DRD2: variants seen among roughly 807,000 people sequenced by gnomAD.
The protein encoded by DRD2 is dopamine receptor D2.
DRD2 carries 8 observed loss-of-function variants against 38.0 expected under a neutral mutation model. The ratio of observed to expected loss-of-function variants is 0.21; its 90% CI spans 0.12 to 0.38. The LOEUF (loss-of-function observed/expected upper bound fraction) is 0.38. DRD2 is among the 10% of genes least tolerant of loss of function. The pLI is 1.00. For synonymous variants in DRD2, 230 were observed against 238.6 expected (o/e 0.96, Z 0.33); for missense variants, 403 against 607.7 (o/e 0.66, Z 3.54).
At chr11:113,453,946 G>C (rs934589385) in intron 1 of DRD2, among the ~76,000 whole-genome samples, 11 of 152,202 alleles carry the variant, frequency 7.2e-5, no homozygotes, top group African/African-American at 2.7e-4. Context: ...GGGCTGGGGG[G>C]AGGATGGAAC....
intron 1 of DRD2, among the ~76,000 whole-genome samples, chr11:113,436,395 G>T (rs920700384): frequency 6.6e-6 from 1 of 152,192 alleles, no homozygotes. Flanking sequence ...CAATTGCAAT[G>T]TGTGGGCCTT....
intron 1 of DRD2, among the ~76,000 whole-genome samples, chr11:113,466,114 T>C (rs754210934): frequency 1.2e-4 from 18 of 152,186 alleles, no homozygotes; most frequent in Non-Finnish European, 2.2e-4. Flanking sequence ...AAAGATCTGA[T>C]CCTGCATTAG....
intron 1 of DRD2, among the ~76,000 whole-genome samples, chr11:113,472,432 T>C (rs1363832456): frequency 1.3e-5 from 2 of 152,160 alleles, no homozygotes. Flanking sequence ...TCCCATAGTA[T>C]CAAAGAAAGA....
intron 1 of DRD2, among the ~76,000 whole-genome samples, chr11:113,469,779 G>T (rs957824276): frequency 6.6e-6 from 1 of 152,282 alleles, no homozygotes; most frequent in East Asian, 1.9e-4. Flanking sequence ...GTTCAAGGCT[G>T]CTGTGAGCTA....
At chr11:113,450,151 A>G (rs2119901283) in intron 1 of DRD2, 1 of 154,162 alleles carries the variant, frequency 6.5e-6, no homozygotes, top group African/African-American at 2.4e-5. Flanking sequence ...CAATATTTCA[A>G]AAGAAGACAG....
chr11:113,467,502 C>G (rs1951381464), intron 1 of DRD2, among the ~76,000 whole-genome samples: 1 of 152,178 alleles, frequency 6.6e-6, no homozygotes, highest in African/African-American at 2.4e-5. Context: ...ATATTTCTGC[C>G]AGCTTTGGGG....
chr11:113,456,179 A>T (rs1951266718), intron 1 of DRD2, among the ~76,000 whole-genome samples: 1 of 152,262 alleles, frequency 6.6e-6, no homozygotes. Flanking sequence ...ACTAAATGAA[A>T]TAAGCCAAGC....
chr11:113,459,809 G>T (rs1207795302), intron 1 of DRD2, among the ~76,000 whole-genome samples: 6 of 152,182 alleles, frequency 3.9e-5, no homozygotes, highest in Non-Finnish European at 5.9e-5. Flanking sequence ...ATAAAGGAAA[G>T]ATAAATGTTT....
At chr11:113,438,759 A>G (rs926745589) in intron 1 of DRD2, among the ~76,000 whole-genome samples, 1 of 152,216 alleles carries the variant, frequency 6.6e-6, no homozygotes, top group Admixed American at 6.5e-5. Context: ...AAATCTAAGG[A>G]TGCAACAGCT....
intron 1 of DRD2, among the ~76,000 whole-genome samples, chr11:113,434,847 C>T (rs1050664615): frequency 3.9e-5 from 6 of 152,184 alleles, no homozygotes; most frequent in African/African-American, 1.4e-4. Context: ...AGCTGAGACT[C>T]AGTTCTCTAT....
chr11:113,410,954 G>A, intron 7 of DRD2, 34 bp from the exon 8 acceptor site: 1 of 1,590,120 alleles, frequency 6.3e-7, no homozygotes, highest in Non-Finnish European at 8.6e-7. Flanking sequence ...CTGGTCCCCA[G>A]AGCCGGGGAG....
At chr11:113,443,000 G>A (rs1350706204) in intron 1 of DRD2, among the ~76,000 whole-genome samples, 1 of 152,096 alleles carries the variant, frequency 6.6e-6, no homozygotes, top group Non-Finnish European at 1.5e-5. Context: ...TTTGCGTGAT[G>A]GGGGAGAGGA....
intron 1 of DRD2, among the ~76,000 whole-genome samples, chr11:113,425,340 A>C (rs1950929481): frequency 6.6e-6 from 1 of 152,222 alleles, no homozygotes; most frequent in South Asian, 2.1e-4. Context: ...AGTCAGCAGA[A>C]GGTCTAGACA....
In DRD2 at chr11:113,412,546, G is replaced by A. The variant is rs1397798718; in HGVS notation, c.1138+10C>T. 3.1e-6 allele frequency: 5 copies of A among 1,605,408 alleles called. No homozygotes were observed. Among genetic ancestry groups the A allele is most frequent in the Non-Finnish European group, 4.2e-6 (5 of 1,178,282 alleles). On this transcript the variant is annotated intron_variant, in intron 7 of 7. Transcript: ENST00000362072. ...GACCGGGCTGTGGCCAGCAGCCAGG[G>A]CCGACTCACCGAGAACAATGGCGAG... is the stretch of plus-strand genomic sequence containing the variant.
In DRD2 at chr11:113,472,404, C is replaced by T. The variant is rs915556011; in HGVS notation, c.-32+2672G>A. On this transcript the variant is annotated intron_variant, in intron 1 of 7. Transcript: ENST00000362072. Reference sequence around the variant, plus strand: ...TATGTGAGGCCATATTTCTAATGACCCTAAGTTCCCATTTGTTTCCCATAG... The same window carrying T: ...TATGTGAGGCCATATTTCTAATGACTCTAAGTTCCCATTTGTTTCCCATAG... Among the ~76,000 whole-genome samples the T allele has an allele frequency of 2.0e-5, 3 of 152,102 alleles. No individual in the cohort carries two copies. The South Asian group carries it at 6.2e-4, about 32-fold the overall frequency.
chr11:113,441,345 G>GT (rs1209944394), intron 1 of DRD2, among the ~76,000 whole-genome samples: 2 of 152,214 alleles, frequency 1.3e-5, no homozygotes, highest in Non-Finnish European at 2.9e-5. Context: ...GCAATGGAGA[G>GT]TTGGTACTGG....
chr11:113,458,266 C>A lies in DRD2; in HGVS notation c.-32+16810G>T, dbSNP rs569756315. Among the ~76,000 whole-genome samples, 11 of 152,338 alleles carry A rather than the reference C, an allele frequency of 7.2e-5. No homozygotes were observed. The South Asian group carries it at 2.3e-3, about 32-fold the overall frequency. ...ATTTTAAAATGATTTTCTGCCCTCACCTTTTGATAAATGCTGTTATCAGTA... is the reference window on the plus strand; with the variant it reads ...ATTTTAAAATGATTTTCTGCCCTCAACTTTTGATAAATGCTGTTATCAGTA... On this transcript the variant is annotated intron_variant, in intron 1 of 7. Coordinates refer to ENST00000362072, the MANE Select transcript of DRD2 (RefSeq NM_000795.4).
intron 1 of DRD2, among the ~76,000 whole-genome samples, chr11:113,458,890 A>G (rs1951291398): frequency 6.6e-6 from 1 of 152,244 alleles, no homozygotes; most frequent in African/African-American, 2.4e-5. Flanking sequence ...TCGACCTCAC[A>G]TGCTGGGGGC....
At chr11:113,421,302 G>T (rs1950881904) in intron 2 of DRD2, among the ~76,000 whole-genome samples, 1 of 152,142 alleles carries the variant, frequency 6.6e-6, no homozygotes, top group Non-Finnish European at 1.5e-5. Flanking sequence ...TGCACTGTAG[G>T]GGCCCTGTCA....
Sources: gnomAD v4.1 joint callset for allele counts (sites outside exome capture counted in the v4.1 genomes callset) on GRCh38, gnomAD v4.1.1 for gene constraint, MANE v1.5 for transcripts, NCBI Gene and HGNC (gene_info 2026-07-23, HGNC 2026-07-21) for gene names.